The following TRPM8 variants were observed in gnomAD, a reference collection of about 807,000 sequenced individuals.
The protein encoded by TRPM8 is transient receptor potential cation channel subfamily M member 8.
TRPM8 carries 110 observed loss-of-function variants against 133.7 expected under a neutral mutation model. The ratio of observed to expected loss-of-function variants is 0.82; its 90% CI spans 0.70 to 0.96. The LOEUF is 0.96. TRPM8 is among the 40% of genes least tolerant of loss of function. The pLI is 0.00. For synonymous variants in TRPM8, 535 were observed against 532.3 expected (o/e 1.01, Z -0.07); for missense variants, 1,291 against 1,379.5 (o/e 0.94, Z 1.02).
chr2:233,973,555 T>C (rs1418715002), intron 17 of TRPM8, among the ~76,000 whole-genome samples: 1 of 152,218 alleles, frequency 6.6e-6, no homozygotes, highest in African/African-American at 2.4e-5. Context: ...CAGCATGACT[T>C]CCTCTTTACT....
chr2:233,946,229 C>CTGT, intron 7 of TRPM8, 199 bp downstream of exon 7: 3 of 504,948 alleles, frequency 5.9e-6, no homozygotes, highest in Non-Finnish European at 1.0e-5. Context: ...TGGTATGTAC[C>CTGT]CTTTAACATG....
In TRPM8 at chr2:234,014,556, T is replaced by G; in HGVS notation, c.3265-6T>G. The G allele has an allele frequency of 6.5e-7, 1 of 1,532,656 alleles. No homozygotes were observed. Among genetic ancestry groups the G allele is most frequent in the African/African-American group, 1.4e-5 (1 of 70,116 alleles). 94.9% of individuals were successfully genotyped at this position (1,532,656 alleles called of 1,614,324 possible). A position where few individuals can be genotyped will look rare whatever the true frequency, so the allele number is the denominator to read the frequency against. On this transcript the variant is annotated splice_region_variant and splice_polypyrimidine_tract_variant and intron_variant, in intron 24 of 25. Transcript: ENST00000324695. ...AAGATGAGTTCTATTTTTTTCTCTT[T>G]CCAAGCTTAATGATCTCAAGGGTCT...
chr2:233,930,858 C>A, intron 3 of TRPM8, 117 bp downstream of exon 3: 1 of 662,504 alleles, frequency 1.5e-6, no homozygotes, highest in Non-Finnish European at 2.6e-6. Flanking sequence ...TCTTATAATT[C>A]TCAGAAACAC....
chr2:234,018,845 A>AAATAAAT lies in TRPM8; in HGVS notation c.*1591_*1592insTAAATAA, dbSNP rs1693022550. On this transcript the variant is annotated 3_prime_UTR_variant, in exon 26 of 26. Transcript: ENST00000324695. ...GGGTGACAGAGTGAGACTCCGACTGAAAATAAATAAATAAATAAATAAATA... is the reference window on the plus strand; with the variant it reads ...GGGTGACAGAGTGAGACTCCGACTGAAATAAATAAATAAATAAATAAATAAATAAATA... The AAATAAAT allele has an allele frequency of 7.1e-6, 1 of 141,830 alleles. No individual in the cohort carries two copies. The highest frequency in any genetic ancestry group is 1.5e-5 in the Non-Finnish European group (1 of 66,010). The allele number at this position is 141,830 out of a possible 1,614,324, so 8.8% of individuals were successfully genotyped here. A position where few individuals can be genotyped will look rare whatever the true frequency, so the allele number is the denominator to read the frequency against.
At chr2:233,927,774 CTTTCTTTCTTTCTTT>C (rs1691562579) in intron 2 of TRPM8, among the ~76,000 whole-genome samples, 1 of 56,616 alleles carries the variant, frequency 1.8e-5, no homozygotes, top group Non-Finnish European at 2.7e-5. Flanking sequence ...TTCTTTCTTT[CTTTCTTTCTTTCTTT>C]CTTTTCTTTC....
chr2:234,001,959 G>A lies in TRPM8; in HGVS notation c.3131-4894G>A, dbSNP rs951365684. 2.0e-5 allele frequency among the ~76,000 whole-genome samples: 3 copies of A among 152,290 alleles called. No individual in the cohort carries two copies. The South Asian group carries it at 6.2e-4, about 32-fold the overall frequency. ...GCTAAATAAGCTAGAAGCTATCTGT[G>A]CCCTCGAGCAGGGCTCATCATCTGG... On this transcript the variant is annotated intron_variant, in intron 22 of 25. Coordinates refer to ENST00000324695, the MANE Select transcript of TRPM8 (RefSeq NM_024080.5).
intron 8 of TRPM8, chr2:233,947,586 T>G: frequency 7.7e-7 from 1 of 1,290,808 alleles, no homozygotes; most frequent in Non-Finnish European, 1.0e-6. Flanking sequence ...GATGCAGGTA[T>G]GTTGCATGAT....
At chr2:233,969,128 C>T (rs1046223585) in intron 15 of TRPM8, among the ~76,000 whole-genome samples, 12 of 151,988 alleles carry the variant, frequency 7.9e-5, no homozygotes, top group East Asian at 1.9e-4. Flanking sequence ...TGAATTTGAA[C>T]GTACACAACT....
In TRPM8 at chr2:234,014,641, C is replaced by T. The variant is rs111620953; in HGVS notation, c.*29C>T. On this transcript the variant is annotated 3_prime_UTR_variant, in exon 25 of 26. Coordinates refer to ENST00000324695, the MANE Select transcript of TRPM8 (RefSeq NM_024080.5). ...TGTATGAACTCTAATGGAGAAAAATCTAATTATAGCAAGGTGAGTCATTCT... is the reference window on the plus strand; with the variant it reads ...TGTATGAACTCTAATGGAGAAAAATTTAATTATAGCAAGGTGAGTCATTCT... The T allele has an allele frequency of 2.3e-5, 30 of 1,292,948 alleles. No individual in the cohort carries two copies. In the African/African-American group the frequency reaches 2.5e-4, roughly 11 times the overall value. 80.1% of individuals were successfully genotyped at this position (1,292,948 alleles called of 1,614,324 possible).
intron 23 of TRPM8, among the ~76,000 whole-genome samples, 168 bp downstream of exon 23, chr2:234,007,120 G>C (rs756434268): frequency 3.9e-5 from 6 of 152,190 alleles, no homozygotes; most frequent in Non-Finnish European, 4.4e-5. Flanking sequence ...GCGTAAGTGT[G>C]TGCCAGCCTT....
In TRPM8 at chr2:233,927,779, T is replaced by C. The variant is rs868146369; in HGVS notation, c.117+1125T>C. ...CTTTCTTTCTTTCTTTCTTTCTTTC[T>C]TTCTTTCTTTCTTTTCTTTCCTTCC... On this transcript the variant is annotated intron_variant, in intron 2 of 25. Coordinates refer to ENST00000324695, the MANE Select transcript of TRPM8 (RefSeq NM_024080.5). Among the ~76,000 whole-genome samples, 330 of 41,230 alleles carry C rather than the reference T, an allele frequency of 8.0e-3. 12 individuals are homozygous for C. The highest frequency in any genetic ancestry group is 0.037 in the African/African-American group (126 of 3,372). The allele number at this position is 41,230 out of a possible 152,430, so 27.0% of individuals were successfully genotyped here.
chr2:234,014,784 C>CCAA (rs35884761), intron 25 of TRPM8, 130 bp downstream of exon 25: 14 of 341,234 alleles, frequency 4.1e-5, no homozygotes, highest in African/African-American at 3.0e-4. Context: ...ATGCATTGTG[C>CCAA]AAAAAAAAAA....
chr2:233,993,203 A>G (rs1044929411), intron 21 of TRPM8, among the ~76,000 whole-genome samples: 1 of 152,214 alleles, frequency 6.6e-6, no homozygotes, highest in African/African-American at 2.4e-5. Context: ...TGGGATGCCC[A>G]TAAGAGTTCT....
At chr2:233,977,442 G>A (rs913276170) in intron 17 of TRPM8, among the ~76,000 whole-genome samples, 1 of 152,190 alleles carries the variant, frequency 6.6e-6, no homozygotes, top group Non-Finnish European at 1.5e-5. Context: ...TTCCGACGTC[G>A]CTCTTCATGT....
chr2:233,919,731 A>G (rs1021974299), intron 1 of TRPM8, among the ~76,000 whole-genome samples: 1 of 152,084 alleles, frequency 6.6e-6, no homozygotes, highest in Non-Finnish European at 1.5e-5. Flanking sequence ...GACACAATAC[A>G]TAACAGTTAT....
Position 233,966,562 on chromosome 2 carries a change from C to A in TRPM8, c.1880-48C>A. The A allele has an allele frequency of 3.1e-6, 5 of 1,610,518 alleles. No individual in the cohort carries two copies. In the South Asian group the frequency reaches 4.4e-5, roughly 14 times the overall value. ...GGGGTGGAAGCAGGACAGTTTCGGTCATGTGCAGCTCTTACACCAGCTTCT... is the reference window on the plus strand; with the variant it reads ...GGGGTGGAAGCAGGACAGTTTCGGTAATGTGCAGCTCTTACACCAGCTTCT... On this transcript the variant is annotated intron_variant, in intron 14 of 25. Transcript: ENST00000324695.
rs541356833 is a variant in TRPM8 at position 234,011,292 on chromosome 2, G to A, written c.3264+3189G>A. 5.0e-4 allele frequency among the ~76,000 whole-genome samples: 76 copies of A among 152,034 alleles called. 2 individuals carry two copies. Among genetic ancestry groups the A allele is most frequent in the South Asian group, 8.3e-4 (4 of 4,812 alleles). ...CTATAAATATGTGAATTTATTTCTG[G>A]GCCCTTTATTCTATTCCATTGGTCT... On this transcript the variant is annotated intron_variant, in intron 24 of 25. Transcript: ENST00000324695.
At chr2:233,996,078 G>A (rs566811208) in intron 21 of TRPM8, among the ~76,000 whole-genome samples, 59 of 148,852 alleles carry the variant, frequency 4.0e-4, no homozygotes, top group Middle Eastern at 6.8e-3. Context: ...AGTTTGTTGA[G>A]CATTTTTTTG....
intron 25 of TRPM8, among the ~76,000 whole-genome samples, chr2:234,016,762 A>G (rs925142999): frequency 2.6e-5 from 4 of 152,174 alleles, no homozygotes; most frequent in African/African-American, 7.2e-5. Flanking sequence ...TTTATACTTC[A>G]GCAGTGGGCA....
Sources: allele counts gnomAD v4.1 joint callset (sites outside exome capture counted in the v4.1 genomes callset), GRCh38; gene constraint gnomAD v4.1.1; transcripts MANE v1.5; gene names NCBI Gene and HGNC (gene_info 2026-07-23, HGNC 2026-07-21).